Variants in ZNF680 observed in about 807,000 individuals in gnomAD.
ZNF680 encodes zinc finger protein 680, also known as hypothetical protein FLJ90430.
Under a neutral mutation model 12.1 loss-of-function variants are expected in ZNF680, and 6 were observed. That is an observed-to-expected ratio of 0.49 (90% CI 0.27 to 0.98). The LOEUF (loss-of-function observed/expected upper bound fraction) is 0.98. Ranked by LOEUF, ZNF680 falls within the 50% of genes least tolerant of loss-of-function variation. The probability of loss-of-function intolerance (pLI) is 0.12; values close to 1 mark genes in which losing one functional copy is unlikely to be tolerated. For missense variants in ZNF680, 561 were observed against 616.3 expected (o/e 0.91, Z 0.95); for synonymous variants, 170 against 199.3 (o/e 0.85, Z 1.24).
chr7:64,521,989 T>C lies in ZNF680; in HGVS notation c.765A>G (p.Lys255=), dbSNP rs369431056. 9.8e-4 allele frequency: 1,574 copies of C among 1,612,624 alleles called. 1 individual carries two copies. Among genetic ancestry groups the C allele is most frequent in the Non-Finnish European group, 1.3e-3 (1,484 of 1,179,512 alleles). Residue 255 remains lysine (K), a synonymous_variant, in exon 4 of 4, where the codon AAA becomes AAG. Coordinates refer to ENST00000309683, the MANE Select transcript of ZNF680 (RefSeq NM_178558.5). ...TCTCTTCAATATGAATTTTCTTATG[T>C]TTAATAAGGGTTGAGGATTGGTTAA... ...KAFNQSSTLI[K]HKKIHIEEKP...
At chr7:64,550,170 AGTT>A (rs1021096583) in intron 1 of ZNF680, among the ~76,000 whole-genome samples, 7 of 152,210 alleles carry the variant, frequency 4.6e-5, no homozygotes, top group Admixed American at 1.3e-4. Flanking sequence ...ACTGATACAA[AGTT>A]GTTAGAAATT....
chr7:64,517,133 A>T (rs754414409), downstream of ZNF680, among the ~76,000 whole-genome samples: 2 of 152,080 alleles, frequency 1.3e-5, no homozygotes, highest in Non-Finnish European at 2.9e-5. Flanking sequence ...AAATAAGATT[A>T]AAAAGAAAAA....
the ZNF680 span, among the ~76,000 whole-genome samples, chr7:64,503,224 T>C: frequency 6.6e-6 from 1 of 152,120 alleles, no homozygotes; most frequent in Non-Finnish European, 1.5e-5. Context: ...AACTATAATG[T>C]GTTGCCATGA....
chr7:64,530,828 A>G (rs1411840889), intron 3 of ZNF680, among the ~76,000 whole-genome samples: 1 of 151,652 alleles, frequency 6.6e-6, no homozygotes, highest in Non-Finnish European at 1.5e-5. Context: ...ACTGCACTCC[A>G]GCCTGGGCAA....
the ZNF680 span, among the ~76,000 whole-genome samples, chr7:64,502,171 TTTTA>T: frequency 1.3e-5 from 2 of 151,484 alleles, no homozygotes; most frequent in African/African-American, 2.4e-5. Context: ...GCCCGGGTAA[TTTTA>T]TTTATTTTTG....
the ZNF680 span, chr7:64,501,634 G>A: frequency 1.2e-6 from 1 of 834,514 alleles, no homozygotes; most frequent in Non-Finnish European, 2.1e-6. Context: ...GATAATGAAG[G>A]TGGGGGATGG....
downstream of ZNF680, among the ~76,000 whole-genome samples, chr7:64,519,568 C>G (rs1791429503): frequency 6.6e-6 from 1 of 151,682 alleles, no homozygotes; most frequent in Non-Finnish European, 1.5e-5. Flanking sequence ...ATTTGTATAC[C>G]AGCACCATGC....
intron 3 of ZNF680, among the ~76,000 whole-genome samples, chr7:64,535,677 C>T (rs1210226689): frequency 6.6e-6 from 1 of 152,058 alleles, no homozygotes; most frequent in Admixed American, 6.6e-5. Context: ...GGCACGGTGG[C>T]TCATGCCTGT....
At chr7:64,548,743 A>G (rs1263223657) in intron 1 of ZNF680, among the ~76,000 whole-genome samples, 1 of 152,096 alleles carries the variant, frequency 6.6e-6, no homozygotes, top group East Asian at 1.9e-4. Context: ...AAAGATGCCT[A>G]GGTGATTGTG....
chr7:64,500,633 G>A, the ZNF680 span, among the ~76,000 whole-genome samples: 1 of 152,172 alleles, frequency 6.6e-6, no homozygotes, highest in Non-Finnish European at 1.5e-5. Flanking sequence ...GGCTGGGAGT[G>A]GAGGAGATGT....
At chr7:64,528,299 C>CG (rs1245959616) in intron 3 of ZNF680, among the ~76,000 whole-genome samples, 19 of 152,242 alleles carry the variant, frequency 1.2e-4, no homozygotes, top group Non-Finnish European at 2.4e-4. Flanking sequence ...GAGAAGCCTC[C>CG]GGGCCAGAAC....
chr7:64,502,752 GT>G, the ZNF680 span, among the ~76,000 whole-genome samples: 5 of 151,214 alleles, frequency 3.3e-5, no homozygotes, highest in South Asian at 1.1e-3. Context: ...TCTCCTCTCA[GT>G]TTTGATTCAC....
downstream of ZNF680, among the ~76,000 whole-genome samples, chr7:64,516,807 A>G (rs1331199403): frequency 6.6e-6 from 1 of 152,206 alleles, no homozygotes; most frequent in Non-Finnish European, 1.5e-5. Flanking sequence ...AAAGTTAACA[A>G]CAAAAACCTT....
intron 1 of ZNF680, among the ~76,000 whole-genome samples, chr7:64,561,840 C>T (rs1787753907): frequency 6.7e-6 from 1 of 150,310 alleles, no homozygotes; most frequent in African/African-American, 2.5e-5. Flanking sequence ...GAGGCTGAGG[C>T]AGGAGAATGG....
the ZNF680 span, among the ~76,000 whole-genome samples, chr7:64,510,425 G>C: frequency 1.3e-5 from 2 of 151,570 alleles, no homozygotes; most frequent in African/African-American, 4.9e-5. Context: ...AAAAAAACAG[G>C]TTTATTATTC....
chr7:64,526,185 A>T, intron 3 of ZNF680: 1 of 950,990 alleles, frequency 1.1e-6, no homozygotes, highest in Non-Finnish European at 1.3e-6. Flanking sequence ...AAAAACTCTT[A>T]GAAGAAGAAT....
chr7:64,506,379 G>A, the ZNF680 span, among the ~76,000 whole-genome samples: 1 of 151,940 alleles, frequency 6.6e-6, no homozygotes, highest in Admixed American at 6.6e-5. Flanking sequence ...TAGTAGAGAC[G>A]GGGTTTCACC....
At chr7:64,505,056 T>C in the ZNF680 span, among the ~76,000 whole-genome samples, 1 of 152,186 alleles carries the variant, frequency 6.6e-6, no homozygotes, top group Non-Finnish European at 1.5e-5. Flanking sequence ...ATCTAAATAA[T>C]ACTCCCTTTG....
intron 1 of ZNF680, among the ~76,000 whole-genome samples, chr7:64,557,420 T>C (rs2116558783): frequency 6.6e-6 from 1 of 151,348 alleles, no homozygotes; most frequent in East Asian, 2.0e-4. Flanking sequence ...CCACGTGTGT[T>C]GGCACGCACC....
Sources: allele counts gnomAD v4.1 joint callset (sites outside exome capture counted in the v4.1 genomes callset), GRCh38; gene constraint gnomAD v4.1.1; transcripts MANE v1.5; gene names NCBI Gene and HGNC (gene_info 2026-07-23, HGNC 2026-07-21).